Variants in GAN observed in about 807,000 individuals in gnomAD.
GAN encodes the protein gigaxonin.
In GAN, 48 loss-of-function variants were observed where a neutral mutation model predicts 71.3. The ratio of observed to expected loss-of-function variants is 0.67; its 90% CI spans 0.53 to 0.86. GAN has a LOEUF of 0.86. Ranked by LOEUF, GAN falls within the 40% of genes least tolerant of loss-of-function variation. The pLI is 0.00. For synonymous variants in GAN, 386 were observed against 276.8 expected, an observed-to-expected ratio of 1.39 and a Z score of -3.92; for missense variants, 928 against 770.1, an observed-to-expected ratio of 1.21 and a Z score of -2.43.
Position 81,354,765 on chromosome 16 carries a change from A to G in GAN, c.633+10A>G, listed in dbSNP as rs773738279. ...TACAGAAATAAGAAAGGTACCTGTCATTTATAACATGGTCAAATTTGCCTT... is the reference window on the plus strand; with the variant it reads ...TACAGAAATAAGAAAGGTACCTGTCGTTTATAACATGGTCAAATTTGCCTT... On this transcript the variant is annotated intron_variant, in intron 3 of 10. Transcript: ENST00000648994. 5.5e-6 allele frequency: 8 copies of G among 1,443,492 alleles called. No homozygotes were observed. In the African/African-American group the frequency reaches 5.6e-5, roughly 10 times the overall value. The allele number at this position is 1,443,492 out of a possible 1,614,324, so 89.4% of individuals were successfully genotyped here. A position where few individuals can be genotyped will look rare whatever the true frequency, so the allele number is the denominator to read the frequency against.
intron 2 of GAN, 23 bp downstream of exon 2, chr16:81,351,720 G>A: frequency 9.3e-7 from 1 of 1,074,310 alleles, no homozygotes; most frequent in Non-Finnish European, 1.5e-6. Context: ...ACAAAGGAAG[G>A]AAGACCTAAG....
intron 1 of GAN, among the ~76,000 whole-genome samples, chr16:81,341,658 G>A (rs1023142425): frequency 3.7e-4 from 57 of 152,106 alleles, no homozygotes; most frequent in Non-Finnish European, 6.2e-4. Context: ...AGGAACAACC[G>A]GTACCAGCCA....
intron 9 of GAN, among the ~76,000 whole-genome samples, chr16:81,366,408 TCA>T (rs933293114): frequency 3.3e-5 from 5 of 152,246 alleles, no homozygotes; most frequent in Non-Finnish European, 7.3e-5. Flanking sequence ...CTCTCTTTCC[TCA>T]CACATTTTAT....
At chr16:81,356,600 A>G (rs142893233) in intron 3 of GAN, among the ~76,000 whole-genome samples, 185 bp from the exon 4 acceptor site, 2 of 152,338 alleles carry the variant, frequency 1.3e-5, no homozygotes, top group Middle Eastern at 3.4e-3. Context: ...TTACTTATCA[A>G]GACTCTGGGA....
Position 81,380,713 on chromosome 16 carries a change from G to C in GAN, c.*3117G>C, listed in dbSNP as rs574095593. The C allele has an allele frequency of 1.3e-5, 2 of 152,114 alleles. No individual in the cohort carries two copies. Among genetic ancestry groups the C allele is most frequent in the African/African-American group, 4.8e-5 (2 of 41,416 alleles). The allele number at this position is 152,114 out of a possible 1,614,324, so 9.4% of individuals were successfully genotyped here. ...GACCTTCAGTTTATACTACTGTGTC[G>C]AACTCATATTGAGTGTAAATATTGA... On this transcript the variant is annotated 3_prime_UTR_variant, in exon 11 of 11. Coordinates refer to ENST00000648994, the MANE Select transcript of GAN (RefSeq NM_022041.4).
chr16:81,315,364 A>ACCCTGTC (rs1200524746), intron 1 of GAN, 84 bp downstream of exon 1: 7 of 1,009,588 alleles, frequency 6.9e-6, no homozygotes, highest in Non-Finnish European at 9.1e-6. Context: ...TGGCCCCCAG[A>ACCCTGTC]CCCTGTCCCC....
At chr16:81,350,643 G>C (rs956039047) in intron 1 of GAN, among the ~76,000 whole-genome samples, 12 of 151,850 alleles carry the variant, frequency 7.9e-5, no homozygotes, top group African/African-American at 2.9e-4. Context: ...AGCCTCCTGA[G>C]CTGCTGGGAT....
chr16:81,317,345 G>A (rs763772404), intron 1 of GAN, among the ~76,000 whole-genome samples: 1 of 152,244 alleles, frequency 6.6e-6, no homozygotes, highest in Non-Finnish European at 1.5e-5. Flanking sequence ...ACTGGATTCA[G>A]AGTTTGAAGA....
chr16:81,345,347 A>G (rs1319859432), intron 1 of GAN, among the ~76,000 whole-genome samples: 2 of 152,230 alleles, frequency 1.3e-5, no homozygotes, highest in Non-Finnish European at 2.9e-5. Flanking sequence ...ACTTGGAACC[A>G]ACCCAAATGT....
At position 81,357,575 on chromosome 16, in the gene GAN, A is replaced by G. The variant is rs1262636779; in HGVS notation, c.852-235A>G. Among the ~76,000 whole-genome samples, 3 of 152,302 alleles carry G rather than the reference A, an allele frequency of 2.0e-5. No homozygotes were observed. The South Asian group carries it at 6.2e-4, about 32-fold the overall frequency. ...AGTGCCGCAATAAACATACGTGTGC[A>G]TGTGTCTTTATAGCAGCATGATTTA... On this transcript the variant is annotated intron_variant, in intron 4 of 10. Coordinates refer to ENST00000648994, the MANE Select transcript of GAN (RefSeq NM_022041.4).
At chr16:81,322,196 C>T (rs1014157785) in intron 1 of GAN, among the ~76,000 whole-genome samples, 2 of 152,208 alleles carry the variant, frequency 1.3e-5, no homozygotes, top group African/African-American at 4.8e-5. Context: ...ATACGTAGTA[C>T]TTTGCCATTT....
intron 9 of GAN, among the ~76,000 whole-genome samples, chr16:81,373,620 C>G (rs758503172): frequency 6.6e-6 from 1 of 152,152 alleles, no homozygotes; most frequent in African/African-American, 2.4e-5. Flanking sequence ...AAGTAAACTA[C>G]AGACTTACTG....
In GAN at chr16:81,346,670, C is replaced by T. The variant is rs184314401; in HGVS notation, c.168-4913C>T. Reference sequence around the variant, plus strand: ...TCTTCCACGAAACCAGTCCCTGGTGCCAAAAAGGTTGGGGACTGCTGCTCT... The same window carrying T: ...TCTTCCACGAAACCAGTCCCTGGTGTCAAAAAGGTTGGGGACTGCTGCTCT... On this transcript the variant is annotated intron_variant, in intron 1 of 10. Transcript: ENST00000648994. Among the ~76,000 whole-genome samples the T allele has an allele frequency of 9.9e-5, 15 of 152,276 alleles. No homozygotes were observed. In the South Asian group the frequency reaches 1.5e-3, roughly 15 times the overall value.
chr16:81,315,243 CAGA>C lies in GAN; in HGVS notation c.135_137del (p.Lys45del). On this transcript the variant is annotated inframe_deletion, in exon 1 of 11. Coordinates refer to ENST00000648994, the MANE Select transcript of GAN (RefSeq NM_022041.4). ...CCTCGACGGGGAGGAGATCCCGGTG[CAGA>C]AGAACATCCTGGCGGCGGCCAGCCC... is the stretch of plus-strand genomic sequence containing the variant. The C allele has an allele frequency of 2.5e-6, 4 of 1,578,490 alleles. No homozygotes were observed. Among genetic ancestry groups the C allele is most frequent in the Non-Finnish European group, 3.4e-6 (4 of 1,164,414 alleles).
At chr16:81,350,173 A>G (rs1211664610) in intron 1 of GAN, among the ~76,000 whole-genome samples, 1 of 152,328 alleles carries the variant, frequency 6.6e-6, no homozygotes, top group African/African-American at 2.4e-5. Context: ...CTACACCGCA[A>G]TGTGAGGACA....
chr16:81,364,088 C>T (rs1910767832), intron 7 of GAN, 145 bp downstream of exon 7: 4 of 744,962 alleles, frequency 5.4e-6, no homozygotes, highest in East Asian at 5.1e-5. Context: ...GGTAGTTTGC[C>T]TTCACTGTCA....
chr16:81,352,094 A>G (rs1198436067), intron 2 of GAN, among the ~76,000 whole-genome samples: 1 of 152,200 alleles, frequency 6.6e-6, no homozygotes, highest in African/African-American at 2.4e-5. Context: ...GCATGGAAAT[A>G]GGAACTTCCT....
At chr16:81,349,311 C>G (rs937257039) in intron 1 of GAN, among the ~76,000 whole-genome samples, 2 of 152,096 alleles carry the variant, frequency 1.3e-5, no homozygotes, top group African/African-American at 4.8e-5. Context: ...ATTAAGTTTC[C>G]TCAGATACTC....
At chr16:81,345,728 A>G (rs1212641534) in intron 1 of GAN, among the ~76,000 whole-genome samples, 1 of 152,232 alleles carries the variant, frequency 6.6e-6, no homozygotes, top group East Asian at 1.9e-4. Context: ...CATGTAACCC[A>G]GAGCTTAAAG....
Sources: allele counts gnomAD v4.1 joint callset (sites outside exome capture counted in the v4.1 genomes callset), GRCh38; gene constraint gnomAD v4.1.1; transcripts MANE v1.5; gene names NCBI Gene and HGNC (gene_info 2026-07-23, HGNC 2026-07-21).